WNT7B: variants seen among roughly 807,000 people sequenced by gnomAD.
WNT7B encodes protein Wnt-7b.
In WNT7B, 19 loss-of-function variants were observed where a neutral mutation model predicts 38.2. The observed-to-expected ratio is 0.50, with a 90% CI of 0.35 to 0.73. The LOEUF is 0.73. WNT7B is among the 30% of genes least tolerant of loss of function. The pLI is 0.01. For missense variants in WNT7B, 423 were observed against 507.9 expected (o/e 0.83, Z 1.61); for synonymous variants, 243 against 209.3 (o/e 1.16, Z -1.39).
chr22:45,928,565 T>G (rs917902315), intron 3 of WNT7B, among the ~76,000 whole-genome samples: 8 of 152,020 alleles, frequency 5.3e-5, no homozygotes, highest in Non-Finnish European at 8.8e-5. Context: ...CCCTTTCCTG[T>G]GGCTGTCCTC....
At chr22:45,956,387 A>G (rs1247364093) in intron 1 of WNT7B, among the ~76,000 whole-genome samples, 2 of 152,152 alleles carry the variant, frequency 1.3e-5, no homozygotes, top group Non-Finnish European at 2.9e-5. Flanking sequence ...CTCATTCACT[A>G]GACACACAAT....
intron 2 of WNT7B, among the ~76,000 whole-genome samples, chr22:45,933,201 T>C (rs544345270): frequency 1.6e-4 from 25 of 152,250 alleles, no homozygotes; most frequent in African/African-American, 6.0e-4. Flanking sequence ...TCCCGGGAAC[T>C]TCCTTCCTGA....
At chr22:45,926,974 G>T in intron 3 of WNT7B, 1 of 985,432 alleles carries the variant, frequency 1.0e-6, no homozygotes, top group Non-Finnish European at 1.2e-6. Context: ...CAGCTAAGGG[G>T]GTTCCCACCC....
At chr22:45,926,394 AG>A (rs1931083578) in intron 3 of WNT7B, 6 of 985,266 alleles carry the variant, frequency 6.1e-6, no homozygotes, top group Non-Finnish European at 7.2e-6. Flanking sequence ...CTGGTTGGGC[AG>A]GGGGGTGGTG....
intron 1 of WNT7B, 101 bp from the exon 2 acceptor site, chr22:45,950,247 G>A: frequency 1.0e-6 from 1 of 1,004,412 alleles, no homozygotes; most frequent in Non-Finnish European, 1.5e-6. Flanking sequence ...CACAGGCCCT[G>A]CACTAGCTCC....
intron 2 of WNT7B, among the ~76,000 whole-genome samples, chr22:45,938,806 G>C (rs1232713686): frequency 6.6e-6 from 1 of 152,152 alleles, no homozygotes; most frequent in Non-Finnish European, 1.5e-5. Context: ...ATATTCTAAA[G>C]GAAGGAAATC....
intron 1 of WNT7B, among the ~76,000 whole-genome samples, chr22:45,971,879 A>G (rs1932448930): frequency 6.6e-6 from 1 of 152,024 alleles, no homozygotes; most frequent in African/African-American, 2.4e-5. Context: ...CTGGGCGTGC[A>G]CAGCCTGCTC....
intron 1 of WNT7B, among the ~76,000 whole-genome samples, chr22:45,956,836 G>C (rs149694480): frequency 2.0e-5 from 3 of 152,042 alleles, no homozygotes; most frequent in Non-Finnish European, 4.4e-5. Context: ...GGCCAGGCGC[G>C]GTGGCTCACG....
chr22:45,948,262 C>T (rs780927675), intron 2 of WNT7B, among the ~76,000 whole-genome samples: 8 of 152,236 alleles, frequency 5.3e-5, no homozygotes, highest in East Asian at 1.9e-4. Flanking sequence ...CGTGCCGACG[C>T]CCTCCCCACT....
intron 1 of WNT7B, among the ~76,000 whole-genome samples, chr22:45,955,085 C>T (rs1255554902): frequency 1.3e-5 from 2 of 152,252 alleles, no homozygotes; most frequent in Non-Finnish European, 2.9e-5. Context: ...TTAAGTTCTT[C>T]CTTTGCTTAA....
chr22:45,939,864 T>C (rs1008038970), intron 2 of WNT7B, among the ~76,000 whole-genome samples: 1 of 152,124 alleles, frequency 6.6e-6, no homozygotes, highest in Non-Finnish European at 1.5e-5. Context: ...TCATGCCAAG[T>C]GAAAGAAGCT....
intron 1 of WNT7B, among the ~76,000 whole-genome samples, chr22:45,964,027 C>T (rs1932255684): frequency 6.6e-6 from 1 of 152,106 alleles, no homozygotes; most frequent in Admixed American, 6.5e-5. Flanking sequence ...AGGTGCGGCC[C>T]ATGTGCAATC....
intron 1 of WNT7B, among the ~76,000 whole-genome samples, chr22:45,955,213 G>A (rs571474528): frequency 2.0e-5 from 3 of 152,284 alleles, no homozygotes; most frequent in East Asian, 1.9e-4. Flanking sequence ...TGCCCTCCCC[G>A]AGCCGGCCTG....
rs554908097 is a variant in WNT7B, at chr22:45,974,401, C to T, written c.71+2283G>A. ...GCCCAGCTTCCCCCTTCTACCGCTG[C>T]GCGTAGCCAAGATGGCTTGCAAAGA... is the stretch of plus-strand genomic sequence containing the variant. On this transcript the variant is annotated intron_variant, in intron 1 of 3. Coordinates refer to ENST00000339464, the MANE Select transcript of WNT7B (RefSeq NM_058238.3). Among the ~76,000 whole-genome samples, 85 of 152,322 alleles carry T rather than the reference C, an allele frequency of 5.6e-4. 1 individual carries two copies. The highest frequency in any genetic ancestry group is 1.8e-3 in the African/African-American group (73 of 41,572).
intron 2 of WNT7B, among the ~76,000 whole-genome samples, chr22:45,939,863 G>C (rs1322702218): frequency 6.6e-6 from 1 of 152,172 alleles, no homozygotes; most frequent in Non-Finnish European, 1.5e-5. Context: ...ATCATGCCAA[G>C]TGAAAGAAGC....
intron 2 of WNT7B, among the ~76,000 whole-genome samples, chr22:45,949,079 C>A (rs182889156): frequency 4.0e-4 from 61 of 152,214 alleles, no homozygotes; most frequent in African/African-American, 1.3e-3. Context: ...GATCCACCCC[C>A]CTCGTCCTCC....
At chr22:45,946,697 C>T (rs1931805051) in intron 2 of WNT7B, among the ~76,000 whole-genome samples, 1 of 152,096 alleles carries the variant, frequency 6.6e-6, no homozygotes, top group South Asian at 2.1e-4. Flanking sequence ...GCAACTGGAA[C>T]CCAGGGGCCC....
chr22:45,959,728 C>A (rs1053651732), intron 1 of WNT7B, among the ~76,000 whole-genome samples: 5 of 152,190 alleles, frequency 3.3e-5, no homozygotes, highest in African/African-American at 1.2e-4. Flanking sequence ...GGACTGGACA[C>A]CGGCTCCCAA....
chr22:45,925,340 A>G (rs1931051059), intron 3 of WNT7B: 2 of 985,162 alleles, frequency 2.0e-6, no homozygotes, highest in South Asian at 4.7e-5. Context: ...GCCCTTGGAC[A>G]AAGACTGGAG....
Sources: allele counts gnomAD v4.1 joint callset (sites outside exome capture counted in the v4.1 genomes callset), GRCh38; gene constraint gnomAD v4.1.1; transcripts MANE v1.5; gene names NCBI Gene and HGNC (gene_info 2026-07-23, HGNC 2026-07-21).